Variants in KDM4B observed in about 807,000 individuals in gnomAD.
KDM4B encodes lysine demethylase 4B, also known as lysine-specific demethylase 4B.
KDM4B carries 32 observed loss-of-function variants against 125.2 expected under a neutral mutation model. The ratio of observed to expected loss-of-function variants is 0.26; its 90% CI spans 0.19 to 0.34. KDM4B has a LOEUF of 0.34. Among genes scored for constraint, KDM4B ranks in the 10% least tolerant of loss-of-function variants. The pLI is 1.00. For synonymous variants in KDM4B, 721 were observed against 677.9 expected, an observed-to-expected ratio of 1.06 and a Z score of -0.99; for missense variants, 1,190 against 1,577.7, an observed-to-expected ratio of 0.75 and a Z score of 4.16.
chr19:4,979,360 G>A (rs1161293489), intron 1 of KDM4B, among the ~76,000 whole-genome samples: 1 of 152,266 alleles, frequency 6.6e-6, no homozygotes, highest in Non-Finnish European at 1.5e-5. Flanking sequence ...AGGAACTGCT[G>A]TTTGCGCAGA....
At chr19:5,014,072 T>A (rs998167508) in intron 1 of KDM4B, among the ~76,000 whole-genome samples, 2 of 152,244 alleles carry the variant, frequency 1.3e-5, no homozygotes, top group African/African-American at 4.8e-5. Flanking sequence ...CCGTGCCCAG[T>A]GATTTTAAAA....
At chr19:5,001,303 T>C (rs1415154442) in intron 1 of KDM4B, among the ~76,000 whole-genome samples, 3 of 152,124 alleles carry the variant, frequency 2.0e-5, no homozygotes, top group African/African-American at 7.2e-5. Context: ...GAATTACAGG[T>C]GTGAGCCACG....
intron 1 of KDM4B, among the ~76,000 whole-genome samples, chr19:4,995,733 A>G (rs2035178681): frequency 6.6e-6 from 1 of 152,252 alleles, no homozygotes; most frequent in African/African-American, 2.4e-5. Context: ...CTTGGGTCCC[A>G]GCACAGTATC....
rs533464277 is a variant in KDM4B, at chr19:5,087,187, AT to A, written c.918+4685del. Among the ~76,000 whole-genome samples, 36 of 152,358 alleles carry A rather than the reference AT, an allele frequency of 2.4e-4. 1 individual carries two copies. In the South Asian group the frequency reaches 5.8e-3, roughly 25 times the overall value. On this transcript the variant is annotated intron_variant, in intron 9 of 22. Transcript: ENST00000159111. Reference sequence around the variant, plus strand: ...AGAATGCCGTGGGCACACGGAGGCCATTGTCAAGGAGGGGGTGGGATTTATT... The same window carrying A: ...AGAATGCCGTGGGCACACGGAGGCCATGTCAAGGAGGGGGTGGGATTTATT...
chr19:5,063,327 G>T (rs2037664253), intron 6 of KDM4B, among the ~76,000 whole-genome samples: 1 of 152,132 alleles, frequency 6.6e-6, no homozygotes, highest in African/African-American at 2.4e-5. Flanking sequence ...CGTGTTCTTT[G>T]TTGGTGCTGG....
intron 2 of KDM4B, among the ~76,000 whole-genome samples, chr19:5,031,232 G>A (rs1023627212): frequency 2.0e-5 from 3 of 152,258 alleles, no homozygotes; most frequent in Non-Finnish European, 4.4e-5. Context: ...CTGGGACCTG[G>A]CTGTGGGCGA....
chr19:5,040,431 C>T (rs2036772521), intron 4 of KDM4B, among the ~76,000 whole-genome samples: 1 of 152,098 alleles, frequency 6.6e-6, no homozygotes, highest in Non-Finnish European at 1.5e-5. Flanking sequence ...ACACAGGGCA[C>T]ACGCACGTCC....
chr19:5,063,858 T>C (rs1441925640), intron 6 of KDM4B, among the ~76,000 whole-genome samples: 1 of 152,212 alleles, frequency 6.6e-6, no homozygotes, highest in African/African-American at 2.4e-5. Flanking sequence ...CCGGTCACCA[T>C]GCGGCTCTGA....
At chr19:4,983,247 C>T (rs990019135) in intron 1 of KDM4B, among the ~76,000 whole-genome samples, 14 of 151,412 alleles carry the variant, frequency 9.2e-5, no homozygotes, top group Admixed American at 6.6e-5. Flanking sequence ...ATGCACTGAG[C>T]GTGATGCCAG....
chr19:5,145,909 A>G (rs1241759332), intron 21 of KDM4B, among the ~76,000 whole-genome samples: 2 of 152,222 alleles, frequency 1.3e-5, no homozygotes, highest in Non-Finnish European at 2.9e-5. Context: ...CACGTCGGTT[A>G]AGGTGAAAAC....
In KDM4B at chr19:5,151,603, C is replaced by T. The variant is rs975452322; in HGVS notation, c.*92C>T. On this transcript the variant is annotated 3_prime_UTR_variant, in exon 23 of 23. Transcript: ENST00000159111. ...TGCTGTGAATTCCTGTCCTCGTGTC[C>T]CCGACCCCCGAGAGGCCACCTCCAA... 3.1e-5 allele frequency: 36 copies of T among 1,144,112 alleles called. 1 individual carries two copies. In the East Asian group the frequency reaches 1.2e-3, roughly 37 times the overall value. 70.9% of individuals were successfully genotyped at this position (1,144,112 alleles called of 1,614,324 possible).
intron 11 of KDM4B, among the ~76,000 whole-genome samples, chr19:5,122,507 A>G (rs2146027231): frequency 6.6e-6 from 1 of 152,388 alleles, no homozygotes; most frequent in South Asian, 2.1e-4. Flanking sequence ...AACTGGAAAC[A>G]CAAAGCAGGA....
intron 21 of KDM4B, among the ~76,000 whole-genome samples, chr19:5,146,482 G>C (rs964465499): frequency 4.6e-5 from 7 of 152,310 alleles, no homozygotes; most frequent in Non-Finnish European, 8.8e-5. Context: ...AGCCTTCCCT[G>C]GGGGGAGGCT....
chr19:4,981,737 G>C (rs1477282917), intron 1 of KDM4B, among the ~76,000 whole-genome samples: 1 of 152,196 alleles, frequency 6.6e-6, no homozygotes, highest in Non-Finnish European at 1.5e-5. Flanking sequence ...CTGCTCTGCA[G>C]TGCTCTCCCT....
intron 6 of KDM4B, among the ~76,000 whole-genome samples, chr19:5,068,172 A>C (rs958536503): frequency 1.4e-5 from 2 of 141,598 alleles, no homozygotes; most frequent in African/African-American, 5.4e-5. Context: ...GACTATGAGG[A>C]GGGGGCCGTG....
chr19:5,000,877 T>A (rs1280720078), intron 1 of KDM4B, among the ~76,000 whole-genome samples: 1 of 152,040 alleles, frequency 6.6e-6, no homozygotes, highest in African/African-American at 2.4e-5. Flanking sequence ...GGTTCCAGAG[T>A]CAGGACTGCA....
At chr19:5,137,237 T>C (rs1599258299) in intron 15 of KDM4B, 25 bp from the exon 16 acceptor site, 1 of 1,549,876 alleles carries the variant, frequency 6.5e-7, no homozygotes, top group Non-Finnish European at 8.7e-7. Flanking sequence ...CCCCCAGATC[T>C]CAGCCAGCCC....
At chr19:5,032,843 C>A in intron 2 of KDM4B, 23 bp from the exon 3 acceptor site, 2 of 1,603,592 alleles carry the variant, frequency 1.2e-6, no homozygotes, top group Non-Finnish European at 1.7e-6. Flanking sequence ...CGCTGGTTCA[C>A]CCTCTCTCGT....
intron 9 of KDM4B, among the ~76,000 whole-genome samples, chr19:5,091,341 C>T (rs1386963059): frequency 6.6e-6 from 1 of 152,216 alleles, no homozygotes; most frequent in African/African-American, 2.4e-5. Flanking sequence ...TTAACTGGTT[C>T]CCTGCCAGCT....
Sources: allele counts gnomAD v4.1 joint callset (sites outside exome capture counted in the v4.1 genomes callset), GRCh38; gene constraint gnomAD v4.1.1; transcripts MANE v1.5; gene names NCBI Gene and HGNC (gene_info 2026-07-23, HGNC 2026-07-21).